Variants in ANTXR1 observed in about 807,000 individuals in gnomAD.
The protein encoded by ANTXR1 is ANTXR cell adhesion molecule 1, also known as anthrax toxin receptor 1.
Under a neutral mutation model 78.1 loss-of-function variants are expected in ANTXR1, and 19 were observed. The observed-to-expected ratio is 0.24, with a 90% CI of 0.17 to 0.36. The LOEUF is 0.36. Among genes scored for constraint, ANTXR1 ranks in the 10% least tolerant of loss-of-function variants. ANTXR1 has a pLI of 1.00. For missense variants in ANTXR1, 518 were observed against 718.6 expected (o/e 0.72, Z 3.19); for synonymous variants, 273 against 260.5 (o/e 1.05, Z -0.46).
At position 69,102,726 on chromosome 2, in the gene ANTXR1, A is replaced by C. The variant is rs895884575; in HGVS notation, c.704-116A>C. ...TTGCTTTTGGTGTTCAACCTAAATT[A>C]ATTTTTGAATATTTTAAGCCTGGTG... On this transcript the variant is annotated intron_variant, in intron 9 of 17. Transcript: ENST00000303714. The C allele has an allele frequency of 4.4e-6, 5 of 1,148,148 alleles. No individual in the cohort carries two copies. In the African/African-American group the frequency reaches 7.6e-5, roughly 17 times the overall value. The allele number at this position is 1,148,148 out of a possible 1,614,324, so 71.1% of individuals were successfully genotyped here.
In ANTXR1 at chr2:69,119,119, C is replaced by G. The variant is rs143774555; in HGVS notation, c.803-3898C>G. ...GGGAAAGTGAGAAATGTCTGCCTGGCCTGGGCCACACTCATCCTCTCACTC... is the reference window on the plus strand; with the variant it reads ...GGGAAAGTGAGAAATGTCTGCCTGGGCTGGGCCACACTCATCCTCTCACTC... On this transcript the variant is annotated intron_variant, in intron 10 of 17. Transcript: ENST00000303714. Among the ~76,000 whole-genome samples the G allele has an allele frequency of 4.3e-3, 652 of 152,236 alleles. 6 individuals are homozygous for G. The highest frequency in any genetic ancestry group is 0.015 in the African/African-American group (610 of 41,544).
intron 10 of ANTXR1, among the ~76,000 whole-genome samples, chr2:69,109,172 G>A (rs6742223): frequency 0.38 from 57,588 of 151,950 alleles, 11,404 homozygotes; most frequent in East Asian, 0.49. Flanking sequence ...AGGTTTAAAT[G>A]TGGCAGGCAG....
chr2:69,200,679 A>C (rs1039710935), intron 17 of ANTXR1, among the ~76,000 whole-genome samples: 5 of 152,182 alleles, frequency 3.3e-5, no homozygotes, highest in Admixed American at 3.3e-4. Context: ...TCCCACTAAG[A>C]ATCCATTTCT....
At chr2:69,070,509 C>A in intron 3 of ANTXR1, 138 bp from the exon 4 acceptor site, 1 of 781,728 alleles carries the variant, frequency 1.3e-6, no homozygotes. Flanking sequence ...TAAAGGCCTT[C>A]CCTTTGATAG....
At chr2:69,035,777 T>C (rs4567970) in intron 1 of ANTXR1, among the ~76,000 whole-genome samples, 35,396 of 152,194 alleles carry the variant, frequency 0.23, 9,092 homozygotes, top group African/African-American at 0.62. Flanking sequence ...CCAGTTTTGT[T>C]TTAAAGCTCT....
intron 13 of ANTXR1, among the ~76,000 whole-genome samples, chr2:69,168,099 C>T (rs530524969): frequency 6.6e-6 from 1 of 152,322 alleles, no homozygotes; most frequent in East Asian, 1.9e-4. Flanking sequence ...GAACACCAGC[C>T]TCCTGTCTCA....
Position 69,245,305 on chromosome 2 carries a change from G to A in ANTXR1, c.1515G>A (p.Ser505=), listed in dbSNP as rs573467642. ...YPLNNAYHTS[S]PPPAPIYTPP... ...TCAACAACGCCTACCACACCTCCTC[G>A]CCGCCTCCTGCCCCCATCTACACTC... Residue 505 remains serine (S), a synonymous_variant, in exon 18 of 18, where the codon TCG becomes TCA. Coordinates refer to ENST00000303714, the MANE Select transcript of ANTXR1 (RefSeq NM_032208.3). 2.4e-5 allele frequency: 39 copies of A among 1,610,228 alleles called. No homozygotes were observed. The highest frequency in any genetic ancestry group is 1.3e-4 in the Admixed American group (8 of 59,648).
At chr2:69,224,483 C>T (rs1198882215) in intron 17 of ANTXR1, among the ~76,000 whole-genome samples, 3 of 152,130 alleles carry the variant, frequency 2.0e-5, no homozygotes, top group African/African-American at 7.2e-5. Flanking sequence ...CTTTTTCCTC[C>T]CTATTCCCTT....
At chr2:69,107,220 G>T (rs1239973591) in intron 10 of ANTXR1, among the ~76,000 whole-genome samples, 1 of 152,012 alleles carries the variant, frequency 6.6e-6, no homozygotes. Context: ...CCAGAGGAAA[G>T]ATATAAAGAA....
intron 13 of ANTXR1, among the ~76,000 whole-genome samples, chr2:69,162,755 C>T (rs552916763): frequency 6.6e-6 from 1 of 152,236 alleles, no homozygotes; most frequent in African/African-American, 2.4e-5. Flanking sequence ...ATAGCAGATA[C>T]ACTGAAAATT....
chr2:69,210,250 T>C (rs1459499280), intron 17 of ANTXR1, among the ~76,000 whole-genome samples: 1 of 152,258 alleles, frequency 6.6e-6, no homozygotes, highest in African/African-American at 2.4e-5. Context: ...CCCGTAATAA[T>C]GCCCAGAAGA....
At chr2:69,182,700 T>G in intron 16 of ANTXR1, 40 bp downstream of exon 16, 1 of 1,612,934 alleles carries the variant, frequency 6.2e-7, no homozygotes, top group Non-Finnish European at 8.5e-7. Flanking sequence ...TCAGTCCTGA[T>G]AAAACACTTA....
At chr2:69,022,811 G>A (rs1212110018) in intron 1 of ANTXR1, among the ~76,000 whole-genome samples, 1 of 152,240 alleles carries the variant, frequency 6.6e-6, no homozygotes, top group Non-Finnish European at 1.5e-5. Context: ...ACACCTTGGA[G>A]CTGGGCTATA....
At chr2:69,155,527 C>T (rs376295220) in intron 13 of ANTXR1, among the ~76,000 whole-genome samples, 1 of 152,044 alleles carries the variant, frequency 6.6e-6, no homozygotes, top group African/African-American at 2.4e-5. Flanking sequence ...AAGTTTGGTC[C>T]GATATTATTG....
intron 3 of ANTXR1, among the ~76,000 whole-genome samples, chr2:69,057,858 A>T (rs1042188475): frequency 1.3e-5 from 2 of 152,194 alleles, no homozygotes; most frequent in African/African-American, 4.8e-5. Flanking sequence ...TGCAAAGGAA[A>T]CGTTTTTAAA....
At chr2:69,168,580 C>T (rs1673894393) in intron 13 of ANTXR1, among the ~76,000 whole-genome samples, 1 of 152,196 alleles carries the variant, frequency 6.6e-6, no homozygotes, top group Admixed American at 6.5e-5. Context: ...CCTGTTCCCC[C>T]TCTCACTCCC....
rs1179841083 is a variant in ANTXR1 at position 69,101,987 on chromosome 2, C to A, written c.704-855C>A. Among the ~76,000 whole-genome samples, 3 of 152,154 alleles carry A rather than the reference C, an allele frequency of 2.0e-5. No individual in the cohort carries two copies. In the South Asian group the frequency reaches 6.2e-4, roughly 32 times the overall value. On this transcript the variant is annotated intron_variant, in intron 9 of 17. Coordinates refer to ENST00000303714, the MANE Select transcript of ANTXR1 (RefSeq NM_032208.3). The stretch of plus-strand genomic sequence containing the variant: ...GTTTTTACTTAATAACGATTTTATT[C>A]ATGTGCATTAATCAAACATACATTA...
At chr2:69,230,939 T>G (rs1335235624) in intron 17 of ANTXR1, among the ~76,000 whole-genome samples, 2 of 152,218 alleles carry the variant, frequency 1.3e-5, no homozygotes, top group African/African-American at 4.8e-5. Flanking sequence ...TTATCTCTTT[T>G]GCTCCTCTCC....
At chr2:69,151,765 C>T (rs1321873749) in intron 12 of ANTXR1, among the ~76,000 whole-genome samples, 1 of 152,188 alleles carries the variant, frequency 6.6e-6, no homozygotes, top group Non-Finnish European at 1.5e-5. Context: ...AGGCTGAATT[C>T]AGAGTACAAT....
Sources: allele counts gnomAD v4.1 joint callset (sites outside exome capture counted in the v4.1 genomes callset), GRCh38; gene constraint gnomAD v4.1.1; transcripts MANE v1.5; gene names NCBI Gene and HGNC (gene_info 2026-07-23, HGNC 2026-07-21).